HECTD4: variants seen among roughly 807,000 people sequenced by gnomAD.
HECTD4 encodes the protein HECT domain E3 ubiquitin protein ligase 4, also known as probable E3 ubiquitin-protein ligase HECTD4.
In HECTD4, 114 loss-of-function variants were observed where a neutral mutation model predicts 471.5. The ratio of observed to expected loss-of-function variants is 0.24; its 90% confidence interval spans 0.21 to 0.28. The LOEUF (loss-of-function observed/expected upper bound fraction) is 0.28. Among genes scored for constraint, HECTD4 ranks in the 10% least tolerant of loss-of-function variants. HECTD4 has a pLI of 1.00. For missense variants in HECTD4, 3,866 were observed against 5,651.5 expected, an observed-to-expected ratio of 0.68 and a Z score of 10.13; for synonymous variants, 2,012 against 2,256.0, an observed-to-expected ratio of 0.89 and a Z score of 3.07.
chr12:112,170,011 C>T, intron 69 of HECTD4: 1 of 535,658 alleles, frequency 1.9e-6, no homozygotes. Context: ...TCTGGGGAGC[C>T]TCCCCAGTGA....
chr12:112,235,921 G>T lies in HECTD4; in HGVS notation c.5445-137C>A. On this transcript the variant is annotated intron_variant, in intron 35 of 75. Transcript: ENST00000682272. The surrounding 1 kb of genome is among the most constrained non-coding windows in gnomAD (Gnocchi z 5.0). ...ATCATGAATGTGGCACTATGCTTCTGTGAAGAATTAAGAATTTTGGAAACA... is the reference window on the plus strand; with the variant it reads ...ATCATGAATGTGGCACTATGCTTCTTTGAAGAATTAAGAATTTTGGAAACA... The T allele has an allele frequency of 1.3e-6, 1 of 749,804 alleles. No homozygotes were observed. The highest frequency in any genetic ancestry group is 2.1e-6 in the Non-Finnish European group (1 of 476,820). 46.4% of individuals were successfully genotyped at this position (749,804 alleles called of 1,614,324 possible). A position where few individuals can be genotyped will look rare whatever the true frequency, so the allele number is the denominator to read the frequency against.
rs1304950405 is a variant in HECTD4 at position 112,248,096 on chromosome 12, G to A, written c.4219C>T (p.Pro1407Ser). 6.2e-7 allele frequency: 1 copy of A among 1,612,730 alleles called. No individual in the cohort carries two copies. Among genetic ancestry groups the A allele is most frequent in the Non-Finnish European group, 8.5e-7 (1 of 1,179,534 alleles). ...TTAAAATGGTAATCATAAAAGAAAG[G>A]CATGTTGTTCTCCAGTTTCCCCTGC... ...AMQGKLENNM[P>S]FFYDYHFNEN... is the part of the protein sequence containing the mutation. Residue 1407 changes from proline to serine, a missense_variant, in exon 27 of 76, where the codon CCT becomes TCT. Physicochemically the swap from Pro to Ser is moderately conservative, Grantham distance 74 (BLOSUM62 -1). Coordinates refer to ENST00000682272, the MANE Select transcript of HECTD4 (RefSeq NM_001388303.1).
In HECTD4 at chr12:112,162,056, A is replaced by G. The variant is rs933677747; in HGVS notation, c.*331T>C. The G allele has an allele frequency of 4.3e-6, 1 of 233,240 alleles. No individual in the cohort carries two copies. The highest frequency in any genetic ancestry group is 8.4e-6 in the Non-Finnish European group (1 of 118,566). The allele number at this position is 233,240 out of a possible 1,614,324, so 14.4% of individuals were successfully genotyped here. ...CGGCTTCCTGCTGGGTGGTTCTGTG[A>G]TGGGGAACCAGCTGGGGCCTTATGG... On this transcript the variant is annotated 3_prime_UTR_variant, in exon 76 of 76. Transcript: ENST00000682272. This position sits in a 1 kb window ranked among gnomAD's most constrained non-coding sequence, Gnocchi z 5.2.
At chr12:112,186,731 G>A (rs1223767196) in intron 60 of HECTD4, among the ~76,000 whole-genome samples, 1 of 150,762 alleles carries the variant, frequency 6.6e-6, no homozygotes, top group Non-Finnish European at 1.5e-5. Flanking sequence ...GCAGTGGCGC[G>A]ATCTCAGCTC....
At chr12:112,169,449 G>T in intron 70 of HECTD4, 54 bp downstream of exon 70, 1 of 1,534,812 alleles carries the variant, frequency 6.5e-7, no homozygotes. Flanking sequence ...TGGGGCTAAG[G>T]CTGGACACTA....
chr12:112,187,254 G>C (rs1195796996), intron 60 of HECTD4, among the ~76,000 whole-genome samples: 1 of 152,170 alleles, frequency 6.6e-6, no homozygotes. Flanking sequence ...GGGATTATAG[G>C]TGTGAGCCAC....
chr12:112,321,155 TC>T, intron 1 of HECTD4, among the ~76,000 whole-genome samples: 1 of 152,324 alleles, frequency 6.6e-6, no homozygotes, highest in African/African-American at 2.4e-5. Flanking sequence ...CATACCCCAT[TC>T]TTAATAGTGT....
At chr12:112,329,377 T>G (rs533595557) in intron 1 of HECTD4, among the ~76,000 whole-genome samples, 62 of 151,796 alleles carry the variant, frequency 4.1e-4, no homozygotes, top group Admixed American at 9.2e-4. Flanking sequence ...TTTGTTTTTT[T>G]TTTTTTTTTT....
At chr12:112,344,852 A>C (rs1455108149) in intron 1 of HECTD4, among the ~76,000 whole-genome samples, 1 of 152,196 alleles carries the variant, frequency 6.6e-6, no homozygotes, top group Non-Finnish European at 1.5e-5. Context: ...TGGGAGATAC[A>C]GGTTGCAGTG....
chr12:112,212,444 G>A, intron 49 of HECTD4, 43 bp downstream of exon 49: 2 of 1,508,498 alleles, frequency 1.3e-6, no homozygotes, highest in South Asian at 1.1e-5. Context: ...AGGAACAGGT[G>A]ATGAAGGAGA....
chr12:112,176,709 A>G lies in HECTD4; in HGVS notation c.11364-7T>C, dbSNP rs1202897134. ...CTCACTTAAGGCAGTCCTGCTGTAG[A>G]CCAAAGCACTGGAATTAGACTAATG... On this transcript the variant is annotated splice_polypyrimidine_tract_variant and splice_region_variant and intron_variant, in intron 64 of 75. Coordinates refer to ENST00000682272, the MANE Select transcript of HECTD4 (RefSeq NM_001388303.1). The G allele has an allele frequency of 7.5e-6, 12 of 1,599,934 alleles. No homozygotes were observed. Among genetic ancestry groups the G allele is most frequent in the Non-Finnish European group, 1.0e-5 (12 of 1,167,228 alleles).
chr12:112,335,141 G>GACACACACACACACACACACACAC (rs1241730632), intron 1 of HECTD4, among the ~76,000 whole-genome samples: 2 of 111,060 alleles, frequency 1.8e-5, no homozygotes, highest in African/African-American at 9.5e-5. Flanking sequence ...AAGAAACTGT[G>GACACACACACACACACACACACAC]ATACACACAC....
In HECTD4 at chr12:112,304,238, A is replaced by ATTTT. The variant is rs760947859; in HGVS notation, c.1335+1822_1335+1825dup. Among the ~76,000 whole-genome samples the ATTTT allele has an allele frequency of 4.7e-4, 49 of 104,382 alleles. 2 individuals carry two copies. The East Asian group carries it at 5.2e-3, about 11-fold the overall frequency. The allele number at this position is 104,382 out of a possible 152,430, so 68.5% of individuals were successfully genotyped here. ...CCATTATTCTTAGGCTAAAGACCTAATTTTTTTTTTTTTTTTTTTTTTTTG... is the reference window on the plus strand; with the variant it reads ...CCATTATTCTTAGGCTAAAGACCTAATTTTTTTTTTTTTTTTTTTTTTTTTTTTG... On this transcript the variant is annotated intron_variant, in intron 7 of 75. Transcript: ENST00000682272.
intron 32 of HECTD4, among the ~76,000 whole-genome samples, chr12:112,242,189 T>C (rs758184281): frequency 5.9e-5 from 9 of 152,198 alleles, no homozygotes; most frequent in Non-Finnish European, 1.3e-4. Context: ...AAGGAGGTTG[T>C]TAATGCAAAA....
intron 44 of HECTD4, 114 bp downstream of exon 44, chr12:112,226,529 A>G: frequency 3.5e-6 from 2 of 575,384 alleles, no homozygotes; most frequent in Non-Finnish European, 6.0e-6. Context: ...TTGTCCTTAC[A>G]GCTCGGCTGT....
At chr12:112,212,941 G>A (rs1324565878) in intron 48 of HECTD4, among the ~76,000 whole-genome samples, 4 of 152,128 alleles carry the variant, frequency 2.6e-5, no homozygotes, top group Non-Finnish European at 5.9e-5. Flanking sequence ...GATTACAGGC[G>A]CCTACAAGCA....
At chr12:112,195,801 T>A (rs548474770) in intron 55 of HECTD4, among the ~76,000 whole-genome samples, 1 of 152,332 alleles carries the variant, frequency 6.6e-6, no homozygotes, top group East Asian at 1.9e-4. Context: ...ATCGTGGGCA[T>A]TTTTTTATGT....
At chr12:112,192,815 T>G in intron 58 of HECTD4, 50 bp from the exon 59 acceptor site, 1 of 1,451,780 alleles carries the variant, frequency 6.9e-7, no homozygotes, top group Non-Finnish European at 9.4e-7. Flanking sequence ...GCCATGCACA[T>G]GGGGACAGGC....
In HECTD4 at chr12:112,306,182, A is replaced by C; in HGVS notation, c.1217T>G (p.Met406Arg). The change falls in exon 7 of 76, where the codon ATG (methionine) becomes AGG (arginine). Residue 406 changes from methionine to arginine, a missense_variant. By Grantham distance (91) the Met-to-Arg change is moderately conservative. Coordinates refer to ENST00000682272, the MANE Select transcript of HECTD4 (RefSeq NM_001388303.1). ...ATCTGAAGACAGGTGCACAGTGCTC[A>C]TGGTGCTGCCAATGGGGAGGTGATT... is the stretch of plus-strand genomic sequence containing the variant. ...PANHLPIGST[M>R]STVHLSSDGT... 1 of 1,604,092 alleles carries C rather than the reference A, an allele frequency of 6.2e-7. No individual in the cohort carries two copies. The highest frequency in any genetic ancestry group is 8.5e-7 in the Non-Finnish European group (1 of 1,176,756).
Sources: gnomAD v4.1 joint callset for allele counts (sites outside exome capture counted in the v4.1 genomes callset) on GRCh38, gnomAD v4.1.1 for gene constraint, Gnocchi (gnomAD v3.1) non-coding constraint, MANE v1.5 for transcripts, NCBI Gene and HGNC (gene_info 2026-07-23, HGNC 2026-07-21) for gene names.